ABLIM1: variants seen among roughly 807,000 people sequenced by gnomAD.
ABLIM1 encodes the protein actin-binding LIM protein 1.
In ABLIM1, 40 loss-of-function variants were observed where a neutral mutation model predicts 107.0. The observed-to-expected ratio is 0.37, with a 90% confidence interval of 0.29 to 0.49. The LOEUF (loss-of-function observed/expected upper bound fraction) is 0.49. Ranked by LOEUF, ABLIM1 falls within the 20% of genes least tolerant of loss-of-function variation. ABLIM1 has a pLI of 0.97. For missense variants in ABLIM1, 857 were observed against 1,008.5 expected (o/e 0.85, Z 2.04); for synonymous variants, 357 against 357.3 (o/e 1.00, Z 0.01).
chr10:114,686,122 G>T (rs1162858548), upstream of ABLIM1, among the ~76,000 whole-genome samples: 1 of 152,088 alleles, frequency 6.6e-6, no homozygotes, highest in African/African-American at 2.4e-5. Flanking sequence ...TGATTTTTTT[G>T]AATGTTAAGC....
chr10:114,549,398 T>C (rs888278074), intron 4 of ABLIM1, among the ~76,000 whole-genome samples: 37 of 152,066 alleles, frequency 2.4e-4, no homozygotes, highest in African/African-American at 8.5e-4. Context: ...AATAAAGTAA[T>C]TAAATAAATA....
At position 114,489,299 on chromosome 10, in the gene ABLIM1, G is replaced by A. The variant is rs139649049; in HGVS notation, c.983-1283C>T. Reference sequence around the variant, plus strand: ...ACCAAAGTGTTGAGATTACAGGCGTGAGCCACCACACCTGGCCAAAATCTT... The same window carrying A: ...ACCAAAGTGTTGAGATTACAGGCGTAAGCCACCACACCTGGCCAAAATCTT... On this transcript the variant is annotated intron_variant, in intron 7 of 22. Coordinates refer to ENST00000533213, the MANE Select transcript of ABLIM1 (RefSeq NM_002313.7). Among the ~76,000 whole-genome samples the A allele has an allele frequency of 5.9e-5, 9 of 152,244 alleles. No individual in the cohort carries two copies. In the East Asian group the frequency reaches 1.7e-3, roughly 29 times the overall value.
At chr10:114,684,791 C>T in exon 1 of ABLIM1, 1 of 900,202 alleles carries the variant, frequency 1.1e-6, no homozygotes, top group Non-Finnish European at 1.3e-6. Context: ...AACTGAAACA[C>T]ATGAAATAAA....
chr10:114,794,207 C>T, the ABLIM1 span, among the ~76,000 whole-genome samples: 1 of 152,164 alleles, frequency 6.6e-6, no homozygotes, highest in Non-Finnish European at 1.5e-5. Context: ...ATAGCTTGAC[C>T]CCTCTACTTA....
chr10:114,439,817 A>T, intron 20 of ABLIM1: 3 of 532,648 alleles, frequency 5.6e-6, no homozygotes. Flanking sequence ...GTCCACTTCC[A>T]CCCCAGAGAG....
chr10:114,799,299 T>A, the ABLIM1 span, among the ~76,000 whole-genome samples: 1 of 152,174 alleles, frequency 6.6e-6, no homozygotes, highest in Non-Finnish European at 1.5e-5. Context: ...ACCTCTTCAC[T>A]CCCTTGGTGA....
chr10:114,513,381 G>C (rs1231544379), intron 6 of ABLIM1, among the ~76,000 whole-genome samples: 1 of 152,050 alleles, frequency 6.6e-6, no homozygotes, highest in Non-Finnish European at 1.5e-5. Flanking sequence ...CTTCATTTCA[G>C]TAACAGCCAG....
intron 1 of ABLIM1, among the ~76,000 whole-genome samples, chr10:114,608,379 A>C (rs2076569200): frequency 6.6e-6 from 1 of 152,012 alleles, no homozygotes; most frequent in South Asian, 2.1e-4. Flanking sequence ...ATAAATAAAT[A>C]AATAAGATGG....
chr10:114,730,182 G>C (rs181189282), intron 1 of ABLIM1, among the ~76,000 whole-genome samples: 1 of 152,190 alleles, frequency 6.6e-6, no homozygotes, highest in Non-Finnish European at 1.5e-5. Flanking sequence ...TGGATCCCTT[G>C]AGGTCAGGAG....
intron 1 of ABLIM1, among the ~76,000 whole-genome samples, chr10:114,716,193 G>T (rs546206330): frequency 1.2e-3 from 176 of 152,172 alleles, no homozygotes; most frequent in Non-Finnish European, 2.2e-3. Context: ...AGTCCTCCAG[G>T]CCAGGGAAGT....
intron 4 of ABLIM1, among the ~76,000 whole-genome samples, chr10:114,550,363 G>A (rs530426514): frequency 1.3e-3 from 176 of 131,854 alleles, no homozygotes; most frequent in African/African-American, 5.3e-3. Context: ...CAGTATGGAT[G>A]TAAGAAAACT....
exon 1 of ABLIM1, chr10:114,684,344 T>C (rs981585594): frequency 6.2e-7 from 1 of 1,613,954 alleles, no homozygotes; most frequent in African/African-American, 1.3e-5. Context: ...ATTTCCAAGG[T>C]CATTAACATG....
At chr10:114,451,873 C>A (rs1169076439) in intron 13 of ABLIM1, among the ~76,000 whole-genome samples, 1 of 152,034 alleles carries the variant, frequency 6.6e-6, no homozygotes, top group Non-Finnish European at 1.5e-5. Flanking sequence ...TTATGGAAGC[C>A]TTTGTAATAC....
rs17092142 is a variant in ABLIM1 at position 114,609,295 on chromosome 10, G to A, written c.245-7334C>T. 7.8e-4 allele frequency among the ~76,000 whole-genome samples: 119 copies of A among 152,192 alleles called. 2 individuals are homozygous for A. The East Asian group carries it at 0.02, about 26-fold the overall frequency. On this transcript the variant is annotated intron_variant, in intron 1 of 22. Coordinates refer to ENST00000533213, the MANE Select transcript of ABLIM1 (RefSeq NM_002313.7). ...TTTCTGGTCTAGCATCTTCATTCTC[G>A]CCAGTGCCTTCACTCCCACTGTAAC...
At chr10:114,462,938 C>T in intron 12 of ABLIM1, 1 of 1,218,264 alleles carries the variant, frequency 8.2e-7, no homozygotes. Context: ...ATGCTGAGAG[C>T]TCAAAAGCTC....
chr10:114,742,734 GC>G (rs1191839094), intron 1 of ABLIM1, among the ~76,000 whole-genome samples: 1 of 152,100 alleles, frequency 6.6e-6, no homozygotes, highest in Non-Finnish European at 1.5e-5. Flanking sequence ...TTTGAGACCA[GC>G]CTGGCAAACC....
chr10:114,544,778 A>T (rs1392466188), intron 6 of ABLIM1, among the ~76,000 whole-genome samples: 3 of 152,048 alleles, frequency 2.0e-5, no homozygotes, highest in Admixed American at 6.5e-5. Context: ...CAGAACCTTT[A>T]TCATTCTTTT....
At chr10:114,609,214 C>G (rs909566225) in intron 1 of ABLIM1, among the ~76,000 whole-genome samples, 4 of 152,196 alleles carry the variant, frequency 2.6e-5, no homozygotes, top group Non-Finnish European at 5.9e-5. Flanking sequence ...CTAAAATACT[C>G]TACTATTTAT....
At chr10:114,557,946 T>C (rs1383475449) in intron 4 of ABLIM1, among the ~76,000 whole-genome samples, 1 of 152,054 alleles carries the variant, frequency 6.6e-6, no homozygotes, top group African/African-American at 2.4e-5. Flanking sequence ...CCCTCCTTAG[T>C]TCCTGTTTCA....
Sources: allele counts gnomAD v4.1 joint callset (sites outside exome capture counted in the v4.1 genomes callset), GRCh38; gene constraint gnomAD v4.1.1; transcripts MANE v1.5; gene names NCBI Gene and HGNC (gene_info 2026-07-23, HGNC 2026-07-21).